Variants in GNG12 observed in about 807,000 individuals in gnomAD.
GNG12 encodes guanine nucleotide-binding protein G(I)/G(S)/G(O) subunit gamma-12.
For synonymous variants in GNG12, 28 were observed against 29.7 expected, an observed-to-expected ratio of 0.94 and a Z score of 0.19; for missense variants, 69 against 83.8, an observed-to-expected ratio of 0.82 and a Z score of 0.69.
intron 2 of GNG12, among the ~76,000 whole-genome samples, chr1:67,728,558 G>A (rs536585485): frequency 1.3e-5 from 2 of 152,194 alleles, no homozygotes; most frequent in East Asian, 1.9e-4. Context: ...TCAATACGGG[G>A]ACTGTAAATG....
chr1:67,831,499 T>C (rs531582054), intron 1 of GNG12, among the ~76,000 whole-genome samples: 6 of 152,300 alleles, frequency 3.9e-5, no homozygotes, highest in African/African-American at 9.6e-5. Context: ...GTGTGCCCTG[T>C]TGGGGGTTCG....
At chr1:67,730,269 G>A (rs540213837) in intron 2 of GNG12, among the ~76,000 whole-genome samples, 2 of 152,310 alleles carry the variant, frequency 1.3e-5, no homozygotes, top group South Asian at 2.1e-4. Context: ...CAAGGTCAAG[G>A]CAGGCAGATT....
intron 1 of GNG12, among the ~76,000 whole-genome samples, chr1:67,814,373 T>C (rs1646941867): frequency 6.6e-6 from 1 of 152,202 alleles, no homozygotes; most frequent in South Asian, 2.1e-4. Flanking sequence ...CTAAAAATCC[T>C]GCATGTAGTG....
intron 1 of GNG12, among the ~76,000 whole-genome samples, chr1:67,791,394 C>G (rs1332724872): frequency 6.6e-6 from 1 of 152,068 alleles, no homozygotes; most frequent in Non-Finnish European, 1.5e-5. Context: ...CTTTGAACGT[C>G]AGACTTACTT....
In GNG12 at chr1:67,794,492, A is replaced by T. The variant is rs1328389527; in HGVS notation, c.-76-16985T>A. The stretch of plus-strand genomic sequence containing the variant: ...TGCTGACCACGAGAAAGCATGTCTC[A>T]ATTTAAAAAACTTAATACAATAAAG... On this transcript the variant is annotated intron_variant, in intron 1 of 3. Coordinates refer to ENST00000370982, the MANE Select transcript of GNG12 (RefSeq NM_018841.6). Among the ~76,000 whole-genome samples, 6 of 152,346 alleles carry T rather than the reference A, an allele frequency of 3.9e-5. No homozygotes were observed. The East Asian group carries it at 1.2e-3, about 29-fold the overall frequency.
At position 67,718,120 on chromosome 1, in the gene GNG12, C is replaced by A. The variant is rs529795929; in HGVS notation, c.-26-10408G>T. On this transcript the variant is annotated intron_variant, in intron 2 of 3. Coordinates refer to ENST00000370982, the MANE Select transcript of GNG12 (RefSeq NM_018841.6). ...CTTCACATGCAGCCCTGACCCTTCA[C>A]CTGAATTCCAATGTGTAAATGACAG... Among the ~76,000 whole-genome samples, 26 of 152,264 alleles carry A rather than the reference C, an allele frequency of 1.7e-4. No homozygotes were observed. The South Asian group carries it at 3.3e-3, about 19-fold the overall frequency.
At chr1:67,786,110 C>T (rs985627445) in intron 1 of GNG12, among the ~76,000 whole-genome samples, 3 of 152,104 alleles carry the variant, frequency 2.0e-5, no homozygotes, top group African/African-American at 7.2e-5. Context: ...ATCCAAAATT[C>T]AGAATTTAAT....
In GNG12 at chr1:67,816,276, G is replaced by A. The variant is rs367756334; in HGVS notation, c.-77+17068C>T. 5.2e-3 allele frequency among the ~76,000 whole-genome samples: 792 copies of A among 152,184 alleles called. 8 individuals are homozygous for A. Among genetic ancestry groups the A allele is most frequent in the Non-Finnish European group, 9.3e-3 (630 of 67,998 alleles). ...ACCCACCCTAATGAAGATTACAGCC[G>A]ACCGTAGTAACTGGAGCATAGAGCG... On this transcript the variant is annotated intron_variant, in intron 1 of 3. Coordinates refer to ENST00000370982, the MANE Select transcript of GNG12 (RefSeq NM_018841.6).
chr1:67,707,758 T>C (rs976518596), intron 2 of GNG12, 46 bp from the exon 3 acceptor site: 1 of 885,392 alleles, frequency 1.1e-6, no homozygotes, highest in African/African-American at 1.7e-5. Context: ...ATCTTTAAGT[T>C]ATTTAAACAT....
At chr1:67,724,334 A>G (rs894907922) in intron 2 of GNG12, among the ~76,000 whole-genome samples, 2 of 152,226 alleles carry the variant, frequency 1.3e-5, no homozygotes, top group Non-Finnish European at 2.9e-5. Context: ...AATACAGGTG[A>G]ATCTCTCAGA....
intron 1 of GNG12, among the ~76,000 whole-genome samples, chr1:67,780,698 C>T (rs147143961): frequency 1.3e-5 from 2 of 152,144 alleles, no homozygotes; most frequent in African/African-American, 4.8e-5. Context: ...CTTTTAAATC[C>T]AGCCAGTTCC....
intron 1 of GNG12, among the ~76,000 whole-genome samples, chr1:67,803,905 G>A (rs745348492): frequency 6.6e-6 from 1 of 152,168 alleles, no homozygotes; most frequent in Non-Finnish European, 1.5e-5. Flanking sequence ...ACAAGCCCAC[G>A]TTATTTGAAT....
chr1:67,830,747 G>A (rs1647038735), intron 1 of GNG12, among the ~76,000 whole-genome samples: 1 of 152,036 alleles, frequency 6.6e-6, no homozygotes, highest in South Asian at 2.1e-4. Flanking sequence ...ATATTGCTGT[G>A]GTAGAAACAT....
At chr1:67,741,562 G>T (rs1295119192) in intron 2 of GNG12, among the ~76,000 whole-genome samples, 1 of 152,204 alleles carries the variant, frequency 6.6e-6, no homozygotes, top group African/African-American at 2.4e-5. Flanking sequence ...TGGAGGGGCT[G>T]GGATCACCCC....
intron 2 of GNG12, among the ~76,000 whole-genome samples, chr1:67,711,254 T>C (rs1240995686): frequency 1.3e-5 from 2 of 152,144 alleles, no homozygotes; most frequent in Non-Finnish European, 2.9e-5. Context: ...AAAAATGACT[T>C]CCCTCTACCT....
intron 1 of GNG12, among the ~76,000 whole-genome samples, chr1:67,808,882 G>C (rs1345737981): frequency 6.6e-6 from 1 of 152,130 alleles, no homozygotes; most frequent in Non-Finnish European, 1.5e-5. Context: ...TTGACCTATA[G>C]ATTCAGTGCA....
intron 1 of GNG12, among the ~76,000 whole-genome samples, chr1:67,802,304 T>A (rs1646870982): frequency 6.6e-6 from 1 of 152,066 alleles, no homozygotes; most frequent in Non-Finnish European, 1.5e-5. Flanking sequence ...TATTGTAAAT[T>A]AGGGCAAATG....
chr1:67,775,232 C>A (rs1646698016), intron 2 of GNG12, among the ~76,000 whole-genome samples: 2 of 152,212 alleles, frequency 1.3e-5, no homozygotes, highest in African/African-American at 4.8e-5. Flanking sequence ...ACATTCTTCT[C>A]ATTTTATAGA....
intron 2 of GNG12, among the ~76,000 whole-genome samples, chr1:67,776,697 G>A (rs907920606): frequency 6.6e-6 from 1 of 152,148 alleles, no homozygotes; most frequent in Non-Finnish European, 1.5e-5. Context: ...ATAGTCCCAG[G>A]TGAAAGGAGA....
Sources: gnomAD v4.1 joint callset for allele counts (sites outside exome capture counted in the v4.1 genomes callset) on GRCh38, gnomAD v4.1.1 for gene constraint, MANE v1.5 for transcripts, NCBI Gene and HGNC (gene_info 2026-07-23, HGNC 2026-07-21) for gene names.